The following SLC44A5 variants were observed in gnomAD, a reference collection of about 807,000 sequenced individuals.
The protein encoded by SLC44A5 is choline transporter-like protein 5.
In SLC44A5, 57 loss-of-function variants were observed where a neutral mutation model predicts 101.8. The ratio of observed to expected loss-of-function variants is 0.56; its 90% CI spans 0.45 to 0.70. SLC44A5 has a LOEUF of 0.70. SLC44A5 is among the 30% of genes least tolerant of loss of function. SLC44A5 has a pLI of 0.00. For synonymous variants in SLC44A5, 281 were observed against 290.9 expected (o/e 0.97, Z 0.35); for missense variants, 737 against 853.1 (o/e 0.86, Z 1.70).
the SLC44A5 span, among the ~76,000 whole-genome samples, chr1:75,699,450 G>A: frequency 6.2e-4 from 94 of 152,082 alleles, 1 homozygote; most frequent in African/African-American, 2.1e-3. Context: ...ACAAGCAAAT[G>A]CTGAGAGATT....
the SLC44A5 span, among the ~76,000 whole-genome samples, chr1:75,684,965 A>AT: frequency 5.3e-5 from 8 of 152,280 alleles, no homozygotes; most frequent in Admixed American, 3.3e-4. Context: ...CCTGCAGCAA[A>AT]CCTCTGCCTA....
chr1:75,558,747 G>A (rs1024138739), intron 1 of SLC44A5, among the ~76,000 whole-genome samples: 4 of 151,996 alleles, frequency 2.6e-5, no homozygotes, highest in African/African-American at 4.8e-5. Context: ...AACACTTTCC[G>A]ACCTGAGAAA....
chr1:75,431,799 G>A (rs1180299758), intron 2 of SLC44A5, among the ~76,000 whole-genome samples: 1 of 152,134 alleles, frequency 6.6e-6, no homozygotes, highest in Non-Finnish European at 1.5e-5. Flanking sequence ...GGGAGGAATA[G>A]GTCAGTCCTT....
At chr1:75,494,587 C>A (rs1181748776) in intron 2 of SLC44A5, among the ~76,000 whole-genome samples, 1 of 152,104 alleles carries the variant, frequency 6.6e-6, no homozygotes, top group Admixed American at 6.5e-5. Flanking sequence ...CAACTTCTCC[C>A]TAGGAGTTGG....
At chr1:75,252,915 G>A in intron 6 of SLC44A5, among the ~76,000 whole-genome samples, 1 of 152,170 alleles carries the variant, frequency 6.6e-6, no homozygotes, top group East Asian at 1.9e-4. Flanking sequence ...AGGGTTTGGA[G>A]GAGGGCAAAC....
At position 75,214,639 on chromosome 1, in the gene SLC44A5, C is replaced by G. The variant is rs754303886; in HGVS notation, c.1768G>C (p.Asp590His). ...TTTCTCATCAGCAGATTGAAAGCAT[C>G]TTTTGCTGACCTGCAGAAGTTTCTG... ...YGRNFCRSAKDAFNLLMRNVL... is the reference protein window; with the variant it reads ...YGRNFCRSAKHAFNLLMRNVL... The change falls in exon 20 of 24, where the codon GAT (aspartate) becomes CAT (histidine). Residue 590 changes from aspartate (D) to histidine (H), a missense_variant. By Grantham distance (81) the Asp-to-His change is moderately conservative. Coordinates refer to ENST00000370859, the MANE Select transcript of SLC44A5 (RefSeq NM_001130058.2). The G allele has an allele frequency of 6.2e-6, 10 of 1,611,730 alleles. No individual in the cohort carries two copies. The Admixed American group carries it at 1.5e-4, about 24-fold the overall frequency.
chr1:75,231,945 G>A (rs1013059505), intron 12 of SLC44A5, among the ~76,000 whole-genome samples: 1 of 152,250 alleles, frequency 6.6e-6, no homozygotes, highest in African/African-American at 2.4e-5. Context: ...CATCCACATT[G>A]TTATTTGCTC....
chr1:75,464,917 C>A (rs945177311), intron 2 of SLC44A5, among the ~76,000 whole-genome samples: 7 of 150,524 alleles, frequency 4.7e-5, no homozygotes, highest in Non-Finnish European at 8.9e-5. Flanking sequence ...AGAGAGGCCC[C>A]AGTACAATAT....
At chr1:75,510,868 C>T (rs1177211445) in intron 2 of SLC44A5, among the ~76,000 whole-genome samples, 1 of 152,156 alleles carries the variant, frequency 6.6e-6, no homozygotes, top group African/African-American at 2.4e-5. Context: ...GTAGGCCGGG[C>T]GCTGTGGCTC....
chr1:75,203,732 G>C lies in SLC44A5; in HGVS notation c.2149C>G (p.Gln717Glu), dbSNP rs377455655. Reference sequence around the variant, plus strand: ...AGGACGACCAGTTTGCTCTTCTACTGCTTCCTAGTTTGTGGATTTTCCTCC... The same window carrying C: ...AGGACGACCAGTTTGCTCTTCTACTCCTTCCTAGTTTGTGGATTTTCCTCC... ...FQEENPQTRK[Q>E] The change falls in exon 24 of 24, where the codon CAG becomes GAG. Residue 717 changes from glutamine to glutamate, a missense_variant. Transcript: ENST00000370859. 12 of 1,548,254 alleles carry C rather than the reference G, an allele frequency of 7.8e-6. No individual in the cohort carries two copies. The East Asian group carries it at 2.7e-4, about 35-fold the overall frequency.
At chr1:75,284,596 G>A (rs1328684158) in intron 5 of SLC44A5, among the ~76,000 whole-genome samples, 3 of 151,944 alleles carry the variant, frequency 2.0e-5, no homozygotes, top group Non-Finnish European at 2.9e-5. Context: ...CAGTTCTCAG[G>A]GGGAATGGTT....
intron 2 of SLC44A5, among the ~76,000 whole-genome samples, chr1:75,431,642 C>G (rs530322343): frequency 2.0e-5 from 3 of 152,062 alleles, no homozygotes; most frequent in Non-Finnish European, 4.4e-5. Flanking sequence ...TATTGGAGAG[C>G]TGAAATACAC....
At chr1:75,524,660 C>A (rs1038632325) in intron 2 of SLC44A5, among the ~76,000 whole-genome samples, 1 of 151,704 alleles carries the variant, frequency 6.6e-6, no homozygotes, top group African/African-American at 2.4e-5. Flanking sequence ...TAAGAGAATG[C>A]GAAAATAAAG....
chr1:75,376,117 C>G (rs948746248), intron 3 of SLC44A5, among the ~76,000 whole-genome samples: 1 of 152,256 alleles, frequency 6.6e-6, no homozygotes, highest in African/African-American at 2.4e-5. Context: ...CCAAATACTG[C>G]GCTTTTCCGA....
chr1:75,505,560 A>T (rs1213176329), intron 2 of SLC44A5, among the ~76,000 whole-genome samples: 5 of 152,096 alleles, frequency 3.3e-5, no homozygotes, highest in Non-Finnish European at 1.5e-5. Flanking sequence ...CTAGTGTGAG[A>T]TGGTATTTCA....
chr1:75,256,963 T>C (rs1402880722), intron 6 of SLC44A5, among the ~76,000 whole-genome samples: 1 of 152,108 alleles, frequency 6.6e-6, no homozygotes, highest in Admixed American at 6.5e-5. Context: ...CTAAACTTAA[T>C]AAGCACAAAA....
intron 2 of SLC44A5, among the ~76,000 whole-genome samples, chr1:75,472,503 CTT>C (rs1324343750): frequency 6.6e-6 from 1 of 152,126 alleles, no homozygotes; most frequent in Non-Finnish European, 1.5e-5. Flanking sequence ...ATTAAAATAA[CTT>C]TGACAATTAT....
the SLC44A5 span, among the ~76,000 whole-genome samples, chr1:75,669,812 C>G: frequency 6.6e-6 from 1 of 152,128 alleles, no homozygotes; most frequent in South Asian, 2.1e-4. Flanking sequence ...AATTGAGTCT[C>G]AAACATACCA....
At chr1:75,375,378 A>G (rs1281129597) in intron 3 of SLC44A5, among the ~76,000 whole-genome samples, 1 of 152,214 alleles carries the variant, frequency 6.6e-6, no homozygotes, top group African/African-American at 2.4e-5. Flanking sequence ...CATGTCTGAG[A>G]GAGAAGAGAG....
Sources: allele counts gnomAD v4.1 joint callset (sites outside exome capture counted in the v4.1 genomes callset), GRCh38; gene constraint gnomAD v4.1.1; transcripts MANE v1.5; gene names NCBI Gene and HGNC (gene_info 2026-07-23, HGNC 2026-07-21).